The following ZMYM1 variants were observed in gnomAD, a reference collection of about 807,000 sequenced individuals.
ZMYM1 encodes zinc finger MYM-type containing 1, also known as zinc finger MYM-type protein 1.
A neutral mutation model predicts 60.0 loss-of-function variants in ZMYM1; 39 were observed. That is an observed-to-expected ratio of 0.65 (90% confidence interval 0.50 to 0.85). The LOEUF (loss-of-function observed/expected upper bound fraction) is 0.85, where lower values mean the gene tolerates loss of function less well. Among genes scored for constraint, ZMYM1 ranks in the 40% least tolerant of loss-of-function variants. The probability of loss-of-function intolerance (pLI) is 0.00; values close to 1 mark genes in which losing one functional copy is unlikely to be tolerated. For missense variants in ZMYM1, 1,171 were observed against 1,309.5 expected, an observed-to-expected ratio of 0.89 and a Z score of 1.63; for synonymous variants, 413 against 454.0, an observed-to-expected ratio of 0.91 and a Z score of 1.15.
intron 1 of ZMYM1, among the ~76,000 whole-genome samples, chr1:35,081,434 A>G (rs1354195144): frequency 6.6e-6 from 1 of 151,828 alleles, no homozygotes; most frequent in African/African-American, 2.4e-5. Flanking sequence ...TTGTATATAC[A>G]TTAGAATTAC....
chr1:35,078,902 ACCTCTGAGGATAATTT>A (rs1367766064), upstream of ZMYM1: 2 of 150,732 alleles, frequency 1.3e-5, no homozygotes, highest in Non-Finnish European at 3.0e-5. Context: ...CTCCCTCCCT[ACCTCTGAGGATAATTT>A]CCTTTTACTA....
upstream of ZMYM1, among the ~76,000 whole-genome samples, chr1:35,077,425 C>A (rs992223698): frequency 1.3e-5 from 2 of 152,186 alleles, no homozygotes; most frequent in Non-Finnish European, 2.9e-5. Context: ...CCAAAACAAA[C>A]CTCCTCCTTG....
chr1:35,079,259 C>A (rs573981409), upstream of ZMYM1: 1 of 152,326 alleles, frequency 6.6e-6, no homozygotes. Context: ...TTCCCCTCCC[C>A]CTCTCCCACT....
upstream of ZMYM1, among the ~76,000 whole-genome samples, chr1:35,077,790 G>T (rs1367748590): frequency 1.3e-5 from 2 of 152,032 alleles, no homozygotes; most frequent in Admixed American, 6.6e-5. Flanking sequence ...CCAAATGCTC[G>T]AGGAGACTGA....
rs1411657864 is a variant in ZMYM1 at position 35,115,030 on chromosome 1, C to CA, written c.3203dup (p.Leu1069AlafsTer16). On this transcript the variant is annotated frameshift_variant, in exon 10 of 10. Coordinates refer to ENST00000359858, the MANE Select transcript of ZMYM1 (RefSeq NM_024772.5). LOFTEE classifies it low-confidence loss of function (END_TRUNC). ...CTTCACAGTAATATTCCTTGTCTCT[C>CA]AAAGCTATTATATATTGCTTTGTCT... is the stretch of plus-strand genomic sequence containing the variant. 6.2e-7 allele frequency: 1 copy of CA among 1,613,850 alleles called. No individual in the cohort carries two copies. Among genetic ancestry groups the CA allele is most frequent in the Non-Finnish European group, 8.5e-7 (1 of 1,179,900 alleles).
chr1:35,069,686 C>T (rs1422749083), intron 1 of ZMYM1, among the ~76,000 whole-genome samples: 1 of 151,798 alleles, frequency 6.6e-6, no homozygotes, highest in Non-Finnish European at 1.5e-5. Flanking sequence ...AAGCATTTTC[C>T]CTGTGTTTTC....
chr1:35,066,034 G>A (rs764240897), intron 1 of ZMYM1, among the ~76,000 whole-genome samples: 13 of 151,944 alleles, frequency 8.6e-5, no homozygotes, highest in South Asian at 2.1e-4. Flanking sequence ...AATTGAATTC[G>A]TAGTTTAACA....
At chr1:35,101,885 T>C (rs1315631683) in intron 4 of ZMYM1, among the ~76,000 whole-genome samples, 1 of 152,168 alleles carries the variant, frequency 6.6e-6, no homozygotes, top group Non-Finnish European at 1.5e-5. Context: ...TCTCAAACTT[T>C]CTGGTCTCAG....
upstream of ZMYM1, chr1:35,079,262 C>T (rs1009212279): frequency 4.6e-5 from 7 of 152,350 alleles, no homozygotes; most frequent in Non-Finnish European, 1.0e-4. Context: ...CCCTCCCCCT[C>T]TCCCACTTCT....
intron 1 of ZMYM1, among the ~76,000 whole-genome samples, chr1:35,081,758 C>G (rs1209529126): frequency 2.6e-5 from 4 of 151,994 alleles, no homozygotes; most frequent in Non-Finnish European, 5.9e-5. Context: ...TGCAGTGGCA[C>G]AATCTCGGCT....
At chr1:35,083,907 C>G (rs1344246416) in intron 1 of ZMYM1, among the ~76,000 whole-genome samples, 1 of 152,202 alleles carries the variant, frequency 6.6e-6, no homozygotes, top group East Asian at 1.9e-4. Flanking sequence ...CGTGAGCCAC[C>G]TTGCCTGGTA....
In ZMYM1 at chr1:35,114,544, A is replaced by G; in HGVS notation, c.2714A>G (p.Asn905Ser). Residue 905 changes from asparagine (N) to serine (S), a missense_variant, in exon 10 of 10, where the codon AAT becomes AGT. Transcript: ENST00000359858. ...AILECLSSERNDVYFKTIWDG... is the reference protein window; with the variant it reads ...AILECLSSERSDVYFKTIWDG... ...TTGGAATGTTTATCATCTGAAAGAAATGACGTATACTTTAAAACAATCTGG... is the reference window on the plus strand; with the variant it reads ...TTGGAATGTTTATCATCTGAAAGAAGTGACGTATACTTTAAAACAATCTGG... 1.2e-6 allele frequency: 2 copies of G among 1,610,872 alleles called. No individual in the cohort carries two copies. Among genetic ancestry groups the G allele is most frequent in the East Asian group, 4.5e-5 (2 of 44,802 alleles).
chr1:35,113,936 G>A lies in ZMYM1; in HGVS notation c.2106G>A (p.Gln702=). ...HLHRTIKTYL[Q]QIGVDMDKIH... is the part of the protein sequence containing the mutation. ...ATAGGACTATCAAAACTTATCTGCA[G>A]CAAATTGGAGTTGATATGGATAAAA... The change falls in exon 10 of 10, where the codon CAG becomes CAA. Residue 702 remains glutamine (Q), a synonymous_variant. Coordinates refer to ENST00000359858, the MANE Select transcript of ZMYM1 (RefSeq NM_024772.5). 2 of 1,613,926 alleles carry A rather than the reference G, an allele frequency of 1.2e-6. No individual in the cohort carries two copies. Among genetic ancestry groups the A allele is most frequent in the African/African-American group, 1.3e-5 (1 of 75,030 alleles).
chr1:35,110,575 G>A (rs1189772981), intron 7 of ZMYM1, 128 bp downstream of exon 7: 11 of 813,290 alleles, frequency 1.4e-5, no homozygotes, highest in Non-Finnish European at 1.7e-5. Flanking sequence ...ATCTAAACTT[G>A]TTGCAAAGAA....
Position 35,113,142 on chromosome 1 carries a change from T to C in ZMYM1, c.1312T>C (p.Cys438Arg). 6.2e-7 allele frequency: 1 copy of C among 1,613,972 alleles called. No individual in the cohort carries two copies. Among genetic ancestry groups the C allele is most frequent in the Non-Finnish European group, 8.5e-7 (1 of 1,179,964 alleles). ...MKSMKISDEL[C>R]HPKCTSKVQK... is the part of the protein sequence containing the mutation. ...ATCTATGAAAATAAGTGATGAACTA[T>C]GTCACCCAAAATGTACATCCAAAGT... The change falls in exon 10 of 10, where the codon TGT becomes CGT. Residue 438 changes from cysteine (C) to arginine (R), a missense_variant. Coordinates refer to ENST00000359858, the MANE Select transcript of ZMYM1 (RefSeq NM_024772.5).
chr1:35,116,420 A>G (rs1644249124), downstream of ZMYM1, among the ~76,000 whole-genome samples: 1 of 152,132 alleles, frequency 6.6e-6, no homozygotes, highest in East Asian at 1.9e-4. Flanking sequence ...TATTTAAGTA[A>G]CCTGCAAAGA....
chr1:35,088,768 C>T (rs1322222451), intron 1 of ZMYM1, among the ~76,000 whole-genome samples: 1 of 148,346 alleles, frequency 6.7e-6, no homozygotes, highest in African/African-American at 2.5e-5. Context: ...TGTTGCATAG[C>T]ATTTTCCCTT....
intron 6 of ZMYM1, among the ~76,000 whole-genome samples, chr1:35,109,277 C>T (rs537308418): frequency 6.6e-6 from 1 of 152,234 alleles, no homozygotes; most frequent in African/African-American, 2.4e-5. Context: ...AGTGATCCCC[C>T]CGCCTCAACC....
At position 35,111,885 on chromosome 1, in the gene ZMYM1, C is replaced by T. The variant is rs1355284343; in HGVS notation, c.1075C>T (p.Pro359Ser). 1 of 1,598,936 alleles carries T rather than the reference C, an allele frequency of 6.3e-7. No homozygotes were observed. The highest frequency in any genetic ancestry group is 8.5e-7 in the Non-Finnish European group (1 of 1,171,140). Reference sequence around the variant, plus strand: ...ATTGGCAGACACCGATGTTGCCTTGCCCATCATGAACACTGATGTCTTACA... The same window carrying T: ...ATTGGCAGACACCGATGTTGCCTTGTCCATCATGAACACTGATGTCTTACA... ...VSLADTDVAL[P>S]IMNTDVLQDT... is the part of the protein sequence containing the mutation. The change falls in exon 8 of 10, where the codon CCC becomes TCC. Residue 359 changes from proline (P) to serine (S), a missense_variant. By Grantham distance (74) the Pro-to-Ser change is moderately conservative. Coordinates refer to ENST00000359858, the MANE Select transcript of ZMYM1 (RefSeq NM_024772.5).
Sources: gnomAD v4.1 joint callset for allele counts (sites outside exome capture counted in the v4.1 genomes callset) on GRCh38, gnomAD v4.1.1 for gene constraint, MANE v1.5 for transcripts, NCBI Gene and HGNC (gene_info 2026-07-23, HGNC 2026-07-21) for gene names.